The following PRTG variants were observed in gnomAD, a reference collection of about 807,000 sequenced individuals.
PRTG encodes the protein immunoglobulin superfamily, DCC subclass, member 5.
A neutral mutation model predicts 122.5 loss-of-function variants in PRTG; 67 were observed. The observed-to-expected ratio is 0.55, with a 90% CI of 0.45 to 0.67. The LOEUF (loss-of-function observed/expected upper bound fraction) is 0.67, where lower values mean the gene tolerates loss of function less well. PRTG is among the 30% of genes least tolerant of loss of function. PRTG has a pLI of 0.00. For missense variants in PRTG, 1,435 were observed against 1,415.4 expected, an observed-to-expected ratio of 1.01 and a Z score of -0.22; for synonymous variants, 554 against 501.1, an observed-to-expected ratio of 1.11 and a Z score of -1.41.
At chr15:55,687,113 C>T (rs1436110130) in intron 2 of PRTG, among the ~76,000 whole-genome samples, 1 of 152,220 alleles carries the variant, frequency 6.6e-6, no homozygotes, top group Non-Finnish European at 1.5e-5. Context: ...AATATACTTT[C>T]TGAATTGAAC....
chr15:55,732,223 C>CT (rs1307937048), intron 2 of PRTG, among the ~76,000 whole-genome samples: 1 of 152,202 alleles, frequency 6.6e-6, no homozygotes, highest in African/African-American at 2.4e-5. Context: ...GAGTCTTACT[C>CT]TGTCACCCAG....
chr15:55,622,683 G>A (rs1367983246), intron 18 of PRTG, among the ~76,000 whole-genome samples: 1 of 151,092 alleles, frequency 6.6e-6, no homozygotes, highest in Non-Finnish European at 1.5e-5. Context: ...GAGCCACCGC[G>A]CCCGGCCACA....
intron 2 of PRTG, among the ~76,000 whole-genome samples, chr15:55,722,576 A>T (rs1271187858): frequency 6.6e-6 from 1 of 151,856 alleles, no homozygotes; most frequent in African/African-American, 2.4e-5. Flanking sequence ...GAAGAAAGTC[A>T]GAAATAAACA....
At chr15:55,676,005 T>C (rs1245520179) in intron 8 of PRTG, among the ~76,000 whole-genome samples, 1 of 152,134 alleles carries the variant, frequency 6.6e-6, no homozygotes, top group African/African-American at 2.4e-5. Context: ...AACAGAATAT[T>C]GTAATTCATA....
In PRTG at chr15:55,665,029, C is replaced by T. The variant is rs537169466; in HGVS notation, c.2041+7416G>A. Among the ~76,000 whole-genome samples the T allele has an allele frequency of 2.6e-3, 399 of 151,766 alleles. 1 individual carries two copies. The highest frequency in any genetic ancestry group is 4.4e-3 in the Admixed American group (67 of 15,248). ...ATCCCAGCACTTTGGGAGGCCGAGG[C>T]GGGTGGATCACGAGGTCAGGAGATC... On this transcript the variant is annotated intron_variant, in intron 11 of 19. Coordinates refer to ENST00000389286, the MANE Select transcript of PRTG (RefSeq NM_173814.6).
intron 2 of PRTG, among the ~76,000 whole-genome samples, chr15:55,728,564 T>C (rs1263847929): frequency 6.6e-6 from 1 of 152,108 alleles, no homozygotes; most frequent in African/African-American, 2.4e-5. Flanking sequence ...CTTCATAATA[T>C]AAATACTTAG....
At position 55,664,866 on chromosome 15, in the gene PRTG, T is replaced by C. The variant is rs540704115; in HGVS notation, c.2041+7579A>G. 5.3e-5 allele frequency among the ~76,000 whole-genome samples: 8 copies of C among 151,974 alleles called. No individual in the cohort carries two copies. In the South Asian group the frequency reaches 1.7e-3, roughly 32 times the overall value. On this transcript the variant is annotated intron_variant, in intron 11 of 19. Transcript: ENST00000389286. ...CCTCTCTAAGTGCTGGGATTATACG[T>C]GTGAGCCACTGCACCTGGCAGAAAT...
chr15:55,679,188 G>T (rs1595643577), intron 7 of PRTG, 98 bp downstream of exon 7: 2 of 737,296 alleles, frequency 2.7e-6, no homozygotes, highest in East Asian at 5.7e-5. Context: ...TAACTATCAA[G>T]ATAATTTAGG....
At chr15:55,689,900 C>A (rs546532369) in intron 2 of PRTG, among the ~76,000 whole-genome samples, 64 of 148,924 alleles carry the variant, frequency 4.3e-4, no homozygotes, top group African/African-American at 1.5e-3. Context: ...TACACTCCAG[C>A]GTGGGTGACA....
intron 2 of PRTG, among the ~76,000 whole-genome samples, chr15:55,704,271 G>GCATC (rs1464492219): frequency 6.6e-6 from 1 of 152,126 alleles, no homozygotes; most frequent in African/African-American, 2.4e-5. Flanking sequence ...TTTACACTTT[G>GCATC]CATCGGTCAC....
chr15:55,648,506 G>A (rs944055724), intron 11 of PRTG, among the ~76,000 whole-genome samples: 9 of 152,052 alleles, frequency 5.9e-5, no homozygotes, highest in South Asian at 2.1e-4. Flanking sequence ...CCATGCCTTC[G>A]TCCGGCATTT....
intron 2 of PRTG, among the ~76,000 whole-genome samples, chr15:55,731,065 A>G (rs548931001): frequency 1.3e-5 from 2 of 152,352 alleles, no homozygotes; most frequent in Non-Finnish European, 2.9e-5. Context: ...ATTCACTGCC[A>G]GTATCTTAAC....
intron 11 of PRTG, among the ~76,000 whole-genome samples, chr15:55,651,714 T>C (rs2059354052): frequency 6.6e-6 from 1 of 152,150 alleles, no homozygotes; most frequent in Non-Finnish European, 1.5e-5. Flanking sequence ...TTTGTTGCTT[T>C]CAGGTGATGT....
intron 2 of PRTG, among the ~76,000 whole-genome samples, chr15:55,723,551 A>G (rs903542497): frequency 1.3e-5 from 2 of 152,080 alleles, no homozygotes; most frequent in East Asian, 1.9e-4. Flanking sequence ...TCTGAATTTG[A>G]TGAAAGAAAT....
Position 55,682,353 on chromosome 15 carries a change from C to T in PRTG, c.676+11G>A. The T allele has an allele frequency of 6.4e-7, 1 of 1,570,466 alleles. No individual in the cohort carries two copies. The highest frequency in any genetic ancestry group is 8.7e-7 in the Non-Finnish European group (1 of 1,155,984). ...ACGTCATAAAAATGGAAAAACCACT[C>T]TGCGTGGTACCTGGAATCACAGTTA... is the stretch of plus-strand genomic sequence containing the variant. On this transcript the variant is annotated intron_variant, in intron 4 of 19. Transcript: ENST00000389286.
Position 55,639,833 on chromosome 15 carries a change from T to A in PRTG, c.2138-5A>T, listed in dbSNP as rs1193544772. On this transcript the variant is annotated splice_region_variant and splice_polypyrimidine_tract_variant and intron_variant, in intron 12 of 19. Transcript: ENST00000389286. The stretch of plus-strand genomic sequence containing the variant: ...GGACCATGCGATCACGAACAGCTAT[T>A]GAGAAAAACAATGTTAATTTACGAT... 6.2e-7 allele frequency: 1 copy of A among 1,612,962 alleles called. No homozygotes were observed. Among genetic ancestry groups the A allele is most frequent in the Non-Finnish European group, 8.5e-7 (1 of 1,179,514 alleles).
At chr15:55,644,635 C>A (rs1413060047) in intron 11 of PRTG, among the ~76,000 whole-genome samples, 3 of 152,178 alleles carry the variant, frequency 2.0e-5, no homozygotes, top group South Asian at 4.2e-4. Flanking sequence ...GACAGACTCA[C>A]ATAAGCCCCA....
chr15:55,672,185 G>A (rs1004130855), intron 11 of PRTG, among the ~76,000 whole-genome samples: 1 of 152,046 alleles, frequency 6.6e-6, no homozygotes. Flanking sequence ...AGAAGTGAAC[G>A]CCACAAAGAA....
At chr15:55,717,828 G>C (rs2030655161) in intron 2 of PRTG, among the ~76,000 whole-genome samples, 1 of 152,056 alleles carries the variant, frequency 6.6e-6, no homozygotes, top group Non-Finnish European at 1.5e-5. Context: ...ACTCTCTTTT[G>C]GGACTCAGCC....
Sources: allele counts gnomAD v4.1 joint callset (sites outside exome capture counted in the v4.1 genomes callset), GRCh38; gene constraint gnomAD v4.1.1; transcripts MANE v1.5; gene names NCBI Gene and HGNC (gene_info 2026-07-23, HGNC 2026-07-21).